ATP10B: variants seen among roughly 807,000 people sequenced by gnomAD.
ATP10B encodes the protein ATPase phospholipid transporting 10B (putative).
A neutral mutation model predicts 141.2 loss-of-function variants in ATP10B; 122 were observed. The observed-to-expected ratio is 0.86, with a 90% CI of 0.75 to 1.00. ATP10B has a LOEUF of 1.00. ATP10B is among the 50% of genes least tolerant of loss of function. The pLI is 0.00. For synonymous variants in ATP10B, 685 were observed against 692.0 expected (o/e 0.99, Z 0.16); for missense variants, 1,876 against 1,825.3 (o/e 1.03, Z -0.51).
At chr5:160,917,365 A>G in the ATP10B span, among the ~76,000 whole-genome samples, 14 of 150,222 alleles carry the variant, frequency 9.3e-5, 1 homozygote, top group African/African-American at 2.5e-4. Flanking sequence ...GGACACAGTT[A>G]CATATCTTCC....
chr5:160,644,990 G>A (rs537468785), intron 8 of ATP10B, among the ~76,000 whole-genome samples: 22 of 152,078 alleles, frequency 1.4e-4, no homozygotes, highest in Admixed American at 1.2e-3. Flanking sequence ...GGTGGCAGGT[G>A]CCTGTAATCC....
At position 160,742,582 on chromosome 5, in the gene ATP10B, G is replaced by A. The variant is rs148235575; in HGVS notation, c.-330-25548C>T. ...TGCTTTTCACTTGCTGAGCAAATAG[G>A]TATTGTCAAAGAAACACGTTCTTTT... On this transcript the variant is annotated intron_variant, in intron 2 of 25. Transcript: ENST00000327245. Among the ~76,000 whole-genome samples the A allele has an allele frequency of 2.6e-5, 4 of 152,256 alleles. No homozygotes were observed. In the South Asian group the frequency reaches 6.2e-4, roughly 24 times the overall value.
intron 2 of ATP10B, among the ~76,000 whole-genome samples, chr5:160,719,100 T>G (rs923871450): frequency 8.5e-5 from 13 of 152,278 alleles, no homozygotes; most frequent in Middle Eastern, 3.4e-3. Flanking sequence ...TTGGGGTTTT[T>G]ACCATTAAAA....
chr5:160,589,826 T>A, intron 23 of ATP10B, 130 bp from the exon 24 acceptor site: 1 of 690,896 alleles, frequency 1.4e-6, no homozygotes, highest in Non-Finnish European at 2.6e-6. Flanking sequence ...GCCATCTGTG[T>A]GGTACTGATC....
chr5:160,795,660 G>A (rs1771894479), intron 1 of ATP10B, among the ~76,000 whole-genome samples: 3 of 152,000 alleles, frequency 2.0e-5, no homozygotes, highest in African/African-American at 2.4e-5. Context: ...GATTATTCAG[G>A]TGGGTCCTAA....
chr5:160,831,405 T>C (rs2127977058), intron 1 of ATP10B, among the ~76,000 whole-genome samples: 1 of 152,186 alleles, frequency 6.6e-6, no homozygotes, highest in East Asian at 1.9e-4. Context: ...AAGCTTTAAA[T>C]AAGCAGGAGA....
intron 13 of ATP10B, among the ~76,000 whole-genome samples, chr5:160,631,362 G>A (rs372644597): frequency 6.6e-6 from 1 of 152,188 alleles, no homozygotes; most frequent in South Asian, 2.1e-4. Context: ...GGAGAAACTT[G>A]GTTTTCTTTG....
chr5:160,707,215 T>G (rs1765071954), intron 3 of ATP10B, among the ~76,000 whole-genome samples: 1 of 152,210 alleles, frequency 6.6e-6, no homozygotes, highest in African/African-American at 2.4e-5. Flanking sequence ...CCTCCCACAG[T>G]GCTGGGATTA....
the ATP10B span, among the ~76,000 whole-genome samples, chr5:160,888,593 A>G: frequency 0.14 from 21,905 of 152,226 alleles, 1,799 homozygotes; most frequent in African/African-American, 0.21. Context: ...TCTGGAATCA[A>G]GAAGCAGAGG....
At chr5:160,861,071 A>G in the ATP10B span, among the ~76,000 whole-genome samples, 7 of 151,952 alleles carry the variant, frequency 4.6e-5, no homozygotes, top group Non-Finnish European at 1.0e-4. Context: ...ATGACACTAT[A>G]TAATAATACT....
chr5:160,656,713 A>T (rs1761524393), intron 7 of ATP10B, among the ~76,000 whole-genome samples: 1 of 151,566 alleles, frequency 6.6e-6, no homozygotes, highest in Admixed American at 6.6e-5. Context: ...TTTTTTTTTT[A>T]AATGGAACCC....
intron 16 of ATP10B, among the ~76,000 whole-genome samples, chr5:160,617,027 TG>T (rs2127643851): frequency 6.6e-6 from 1 of 152,288 alleles, no homozygotes; most frequent in Non-Finnish European, 1.5e-5. Flanking sequence ...GTAGTGAGAT[TG>T]GGACTAGTAC....
chr5:160,853,250 A>C (rs1388270651), upstream of ATP10B, among the ~76,000 whole-genome samples: 1 of 152,194 alleles, frequency 6.6e-6, no homozygotes, highest in African/African-American at 2.4e-5. Flanking sequence ...AAAGAGAAGA[A>C]TGCTTAAGTC....
intron 2 of ATP10B, among the ~76,000 whole-genome samples, chr5:160,740,155 C>T (rs1258531530): frequency 6.6e-6 from 1 of 152,192 alleles, no homozygotes; most frequent in African/African-American, 2.4e-5. Context: ...CTTTTAACAG[C>T]ATTGCCCCCA....
At chr5:160,693,777 T>C (rs1764215265) in intron 3 of ATP10B, among the ~76,000 whole-genome samples, 1 of 152,220 alleles carries the variant, frequency 6.6e-6, no homozygotes, top group Non-Finnish European at 1.5e-5. Context: ...ATCCCTCGCA[T>C]GCACAATTCA....
At chr5:160,839,703 A>T (rs1408894452) in intron 1 of ATP10B, among the ~76,000 whole-genome samples, 2 of 152,118 alleles carry the variant, frequency 1.3e-5, no homozygotes, top group Non-Finnish European at 2.9e-5. Flanking sequence ...TGACCCATCA[A>T]ATTTCAACTC....
chr5:160,573,578 A>G (rs561692093), intron 24 of ATP10B, among the ~76,000 whole-genome samples: 89 of 152,272 alleles, frequency 5.8e-4, no homozygotes, highest in Non-Finnish European at 1.1e-3. Context: ...CTGTCAGATT[A>G]GTGGTGACAT....
At chr5:160,885,770 A>G in the ATP10B span, among the ~76,000 whole-genome samples, 5 of 152,230 alleles carry the variant, frequency 3.3e-5, no homozygotes, top group South Asian at 6.2e-4. Context: ...ATCATAAGCT[A>G]TTGAAGAAAA....
At chr5:160,812,221 C>A (rs1773230146) in intron 1 of ATP10B, among the ~76,000 whole-genome samples, 1 of 152,070 alleles carries the variant, frequency 6.6e-6, no homozygotes. Context: ...TTTGGATGAC[C>A]CTTAATGCAG....
Sources: allele counts gnomAD v4.1 joint callset (sites outside exome capture counted in the v4.1 genomes callset), GRCh38; gene constraint gnomAD v4.1.1; transcripts MANE v1.5; gene names NCBI Gene and HGNC (gene_info 2026-07-23, HGNC 2026-07-21).